Variants in ITGA1 observed in about 807,000 individuals in gnomAD.
The protein encoded by ITGA1 is integrin subunit alpha 1.
ITGA1 carries 85 observed loss-of-function variants against 145.9 expected under a neutral mutation model. That is an observed-to-expected ratio of 0.58 (90% confidence interval 0.49 to 0.70). The LOEUF (loss-of-function observed/expected upper bound fraction) is 0.70, where lower values mean the gene tolerates loss of function less well. Ranked by LOEUF, ITGA1 falls within the 30% of genes least tolerant of loss-of-function variation. ITGA1 has a pLI of 0.00. For synonymous variants in ITGA1, 520 were observed against 495.3 expected (o/e 1.05, Z -0.66); for missense variants, 1,351 against 1,418.7 (o/e 0.95, Z 0.77).
chr5:52,939,867 A>G lies in ITGA1; in HGVS notation c.3208A>G (p.Ile1070Val). 6.2e-7 allele frequency: 1 copy of G among 1,612,816 alleles called. No individual in the cohort carries two copies. Among genetic ancestry groups the G allele is most frequent in the African/African-American group, 1.3e-5 (1 of 75,026 alleles). Residue 1070 changes from isoleucine to valine, a missense_variant, in exon 26 of 29, where the codon ATC (isoleucine) becomes GTC (valine). By Grantham distance (29) the Ile-to-Val change is conservative. Coordinates refer to ENST00000282588, the MANE Select transcript of ITGA1 (RefSeq NM_181501.2). ...CTGCAATACATGTAAATTTGCTACC[A>G]TCACATGTAATCTCACTTCTTCTGA... The part of the protein sequence containing the change: ...LDCNTCKFAT[I>V]TCNLTSSDIS...
chr5:52,893,889 C>A, intron 9 of ITGA1, 49 bp downstream of exon 9: 1 of 1,427,252 alleles, frequency 7.0e-7, no homozygotes, highest in Non-Finnish European at 9.7e-7. Context: ...AATTCAAAAT[C>A]AGTATAATGG....
Position 52,861,515 on chromosome 5 carries a change from T to C in ITGA1, c.251T>C (p.Val84Ala), listed in dbSNP as rs760697623. 2 of 1,613,824 alleles carry C rather than the reference T, an allele frequency of 1.2e-6. No individual in the cohort carries two copies. The highest frequency in any genetic ancestry group is 8.5e-7 in the Non-Finnish European group (1 of 1,179,828). The change falls in exon 3 of 29, where the codon GTT becomes GCT. Residue 84 changes from valine to alanine, a missense_variant. Coordinates refer to ENST00000282588, the MANE Select transcript of ITGA1 (RefSeq NM_181501.2). ...ACTGGAGATGTCTATAAGTGTCCAG[T>C]TGGGAGAGGTGAATCATTACCTTGT... ...NRTGDVYKCPVGRGESLPCVK... is the reference protein window; with the variant it reads ...NRTGDVYKCPAGRGESLPCVK...
rs897469944 is a variant in ITGA1 at position 52,958,009 on chromosome 5, T to A, written c.*5558T>A. On this transcript the variant is annotated 3_prime_UTR_variant, in exon 29 of 29. Coordinates refer to ENST00000282588, the MANE Select transcript of ITGA1 (RefSeq NM_181501.2). ...ACAAATCTTCCAAATGACACCACAA[T>A]GAAAGCCAGTTGTGGTCTTGAAAAA... is the stretch of plus-strand genomic sequence containing the variant. 6.6e-6 allele frequency: 1 copy of A among 152,198 alleles called. No homozygotes were observed. Among genetic ancestry groups the A allele is most frequent in the Non-Finnish European group, 1.5e-5 (1 of 68,044 alleles). 9.4% of individuals were successfully genotyped at this position (152,198 alleles called of 1,614,324 possible).
intron 21 of ITGA1, 32 bp downstream of exon 21, chr5:52,929,733 T>C: frequency 8.9e-7 from 1 of 1,118,058 alleles, no homozygotes; most frequent in Non-Finnish European, 1.3e-6. Flanking sequence ...TGTATGTATA[T>C]GAATGTATAT....
intron 1 of ITGA1, chr5:52,800,425 G>A: frequency 6.2e-7 from 1 of 1,614,062 alleles, no homozygotes; most frequent in East Asian, 2.2e-5. Context: ...CATCGAGAAG[G>A]ACAATGCGGG....
At chr5:52,945,742 A>G (rs1349941409) in intron 27 of ITGA1, among the ~76,000 whole-genome samples, 2 of 152,232 alleles carry the variant, frequency 1.3e-5, no homozygotes, top group Non-Finnish European at 2.9e-5. Flanking sequence ...CATGTGAATC[A>G]TAAAATTCAA....
At position 52,891,460 on chromosome 5, in the gene ITGA1, T is replaced by C. The variant is rs982111301; in HGVS notation, c.925-2215T>C. 2.4e-4 allele frequency among the ~76,000 whole-genome samples: 37 copies of C among 151,616 alleles called. 1 individual carries two copies. Among genetic ancestry groups the C allele is most frequent in the African/African-American group, 8.0e-4 (33 of 41,326 alleles). On this transcript the variant is annotated intron_variant, in intron 8 of 28. Coordinates refer to ENST00000282588, the MANE Select transcript of ITGA1 (RefSeq NM_181501.2). ...ACTGGGGATTCATTTTTTGTTATTG[T>C]TATCTATTTTATAGACCACAATTTG...
At chr5:52,910,868 A>G (rs1389984377) in intron 14 of ITGA1, among the ~76,000 whole-genome samples, 1 of 141,182 alleles carries the variant, frequency 7.1e-6, no homozygotes, top group African/African-American at 2.6e-5. Context: ...CACACTATAT[A>G]TAGTATATAT....
At chr5:52,844,651 GA>G (rs1040225396) in intron 1 of ITGA1, among the ~76,000 whole-genome samples, 8 of 152,124 alleles carry the variant, frequency 5.3e-5, no homozygotes, top group South Asian at 2.1e-4. Context: ...TTTATAAGGG[GA>G]AAAATTACTG....
At chr5:52,845,561 G>C (rs1270910174) in intron 1 of ITGA1, among the ~76,000 whole-genome samples, 2 of 152,086 alleles carry the variant, frequency 1.3e-5, no homozygotes, top group African/African-American at 4.8e-5. Flanking sequence ...CAAAATAATT[G>C]GTGGTGATGT....
chr5:52,789,781 T>C (rs1226777921), intron 1 of ITGA1, among the ~76,000 whole-genome samples: 1 of 152,248 alleles, frequency 6.6e-6, no homozygotes, highest in Non-Finnish European at 1.5e-5. Context: ...TAGTTTACTA[T>C]CCAAGTTGTA....
rs542924711 is a variant in ITGA1 at position 52,876,723 on chromosome 5, A to G, written c.625-5150A>G. Among the ~76,000 whole-genome samples the G allele has an allele frequency of 6.6e-5, 10 of 152,236 alleles. No individual in the cohort carries two copies. In the South Asian group the frequency reaches 2.1e-3, roughly 32 times the overall value. On this transcript the variant is annotated intron_variant, in intron 6 of 28. Transcript: ENST00000282588. ...AGCCATGACATAGTCCATACTCTTT[A>G]CCCCTGCCTGTCCCTCTAAAGTTAG...
Position 52,942,697 on chromosome 5 carries a change from ATTT to A in ITGA1, c.3286-2231_3286-2229del, listed in dbSNP as rs371386724. ...AGGCACCCACCACCATGCCCGGCTA[ATTT>A]TTTTTTTTTTTTTTGTATTTTTAGT... On this transcript the variant is annotated intron_variant, in intron 26 of 28. Coordinates refer to ENST00000282588, the MANE Select transcript of ITGA1 (RefSeq NM_181501.2). Among the ~76,000 whole-genome samples, 424 of 137,862 alleles carry A rather than the reference ATTT, an allele frequency of 3.1e-3. 2 individuals carry two copies. The highest frequency in any genetic ancestry group is 7.8e-3 in the South Asian group (33 of 4,246). The allele number at this position is 137,862 out of a possible 152,430, so 90.4% of individuals were successfully genotyped here.
chr5:52,866,553 C>T (rs1749691188), intron 6 of ITGA1, among the ~76,000 whole-genome samples: 1 of 152,166 alleles, frequency 6.6e-6, no homozygotes, highest in Non-Finnish European at 1.5e-5. Context: ...AAGTTAGTAA[C>T]TGACCAGAGG....
At position 52,897,444 on chromosome 5, in the gene ITGA1, C is replaced by T. The variant is rs768137285; in HGVS notation, c.1091-11C>T. ...GTTACTTATTTACAGTGATATTTTC[C>T]TATGTTATAGCCACAGCTGACCAGT... On this transcript the variant is annotated splice_polypyrimidine_tract_variant and intron_variant, in intron 9 of 28. Coordinates refer to ENST00000282588, the MANE Select transcript of ITGA1 (RefSeq NM_181501.2). 4 of 1,592,960 alleles carry T rather than the reference C, an allele frequency of 2.5e-6. No individual in the cohort carries two copies. In the South Asian group the frequency reaches 4.4e-5, roughly 18 times the overall value.
intron 1 of ITGA1, among the ~76,000 whole-genome samples, chr5:52,815,329 GA>G (rs1748748415): frequency 6.6e-6 from 1 of 152,144 alleles, no homozygotes. Flanking sequence ...TGGGATGGGG[GA>G]AAACAGTAGA....
intron 21 of ITGA1, among the ~76,000 whole-genome samples, chr5:52,930,683 G>C (rs1750882158): frequency 1.3e-5 from 2 of 152,114 alleles, no homozygotes; most frequent in Admixed American, 6.6e-5. Context: ...GCATTTCACA[G>C]AGAGGTCACT....
chr5:52,956,427 T>G lies in ITGA1; in HGVS notation c.*3976T>G, dbSNP rs1035714647. On this transcript the variant is annotated 3_prime_UTR_variant, in exon 29 of 29. Coordinates refer to ENST00000282588, the MANE Select transcript of ITGA1 (RefSeq NM_181501.2). ...ACCCTCAGGCCCCCTTTTGCCAGTT[T>G]TCTCCCCCAGGGGAGATTTTCAAGA... The G allele has an allele frequency of 6.6e-6, 1 of 152,216 alleles. No individual in the cohort carries two copies. Among genetic ancestry groups the G allele is most frequent in the Non-Finnish European group, 1.5e-5 (1 of 68,052 alleles). The allele number at this position is 152,216 out of a possible 1,614,324, so 9.4% of individuals were successfully genotyped here.
At chr5:52,884,242 G>A (rs571919052) in intron 7 of ITGA1, among the ~76,000 whole-genome samples, 13 of 152,070 alleles carry the variant, frequency 8.5e-5, no homozygotes, top group African/African-American at 3.1e-4. Context: ...TCAGGAGTTC[G>A]AGAGCAGCCT....
Sources: gnomAD v4.1 joint callset for allele counts (sites outside exome capture counted in the v4.1 genomes callset) on GRCh38, gnomAD v4.1.1 for gene constraint, MANE v1.5 for transcripts, NCBI Gene and HGNC (gene_info 2026-07-23, HGNC 2026-07-21) for gene names.